TRPM3: variants seen among roughly 807,000 people sequenced by gnomAD.
TRPM3 encodes long transient receptor potential channel 3.
A neutral mutation model predicts 181.2 loss-of-function variants in TRPM3; 77 were observed. The observed-to-expected ratio is 0.42, with a 90% CI of 0.35 to 0.51. The LOEUF (loss-of-function observed/expected upper bound fraction) is 0.51. TRPM3 is among the 20% of genes least tolerant of loss of function. The probability of loss-of-function intolerance (pLI) is 0.01; values close to 1 mark genes in which losing one functional copy is unlikely to be tolerated. For synonymous variants in TRPM3, 745 were observed against 796.4 expected, an observed-to-expected ratio of 0.94 and a Z score of 1.09; for missense variants, 1,759 against 2,196.7, an observed-to-expected ratio of 0.80 and a Z score of 3.98.
At chr9:70,927,160 G>A (rs1170075839) in intron 1 of TRPM3, among the ~76,000 whole-genome samples, 2 of 152,150 alleles carry the variant, frequency 1.3e-5, no homozygotes, top group African/African-American at 4.8e-5. Flanking sequence ...TTGAATCTGA[G>A]TTTATTGTAC....
At chr9:70,615,744 A>G (rs145497025) in intron 18 of TRPM3, among the ~76,000 whole-genome samples, 164 bp downstream of exon 18, 34 of 152,352 alleles carry the variant, frequency 2.2e-4, no homozygotes, top group African/African-American at 6.3e-4. Flanking sequence ...CACTTTTCCA[A>G]TACCCTGGTC....
chr9:71,036,053 A>G (rs2058163860), intron 1 of TRPM3, among the ~76,000 whole-genome samples: 1 of 147,038 alleles, frequency 6.8e-6, no homozygotes, highest in Non-Finnish European at 1.5e-5. Flanking sequence ...CATTATCATC[A>G]GCCCTAACTT....
chr9:70,592,170 C>T (rs1318696870), intron 21 of TRPM3, among the ~76,000 whole-genome samples: 2 of 152,056 alleles, frequency 1.3e-5, no homozygotes, highest in East Asian at 1.9e-4. Flanking sequence ...AACCCATTAC[C>T]TCCTCCTTTT....
chr9:70,930,688 C>T (rs2096767760), intron 1 of TRPM3, among the ~76,000 whole-genome samples: 1 of 152,084 alleles, frequency 6.6e-6, no homozygotes, highest in Admixed American at 6.6e-5. Flanking sequence ...AACATGACTG[C>T]ATGGCTGTTT....
chr9:71,278,364 G>A (rs780477150), intron 1 of TRPM3, among the ~76,000 whole-genome samples: 32 of 152,132 alleles, frequency 2.1e-4, no homozygotes, highest in Non-Finnish European at 4.4e-4. Context: ...CTTCCCAAAG[G>A]GAGCAATTCT....
intron 1 of TRPM3, among the ~76,000 whole-genome samples, chr9:70,960,925 A>C (rs1331105740): frequency 6.6e-6 from 1 of 152,164 alleles, no homozygotes; most frequent in Admixed American, 6.5e-5. Context: ...CCATCACTGA[A>C]AGTGTTCCTT....
At chr9:70,663,583 A>G (rs2061415981) in intron 9 of TRPM3, among the ~76,000 whole-genome samples, 1 of 151,968 alleles carries the variant, frequency 6.6e-6, no homozygotes, top group African/African-American at 2.4e-5. Context: ...AGCCTTTTTC[A>G]TATTTTATTT....
At chr9:70,660,998 C>T (rs879253578) in intron 9 of TRPM3, among the ~76,000 whole-genome samples, 1 of 152,068 alleles carries the variant, frequency 6.6e-6, no homozygotes, top group African/African-American at 2.4e-5. Flanking sequence ...AAACTACAGA[C>T]CGATATTCCT....
chr9:71,222,334 A>C (rs562426998), intron 1 of TRPM3, among the ~76,000 whole-genome samples: 2 of 152,374 alleles, frequency 1.3e-5, no homozygotes, highest in South Asian at 4.1e-4. Context: ...CAGAAGAGTG[A>C]TCATCACAGA....
chr9:71,004,548 C>T (rs1223686274), intron 1 of TRPM3, among the ~76,000 whole-genome samples: 5 of 152,134 alleles, frequency 3.3e-5, no homozygotes, highest in African/African-American at 4.8e-5. Flanking sequence ...TATATGCAGG[C>T]ATCAATGTAA....
chr9:70,598,024 T>C (rs2059315353), intron 21 of TRPM3, among the ~76,000 whole-genome samples: 1 of 152,188 alleles, frequency 6.6e-6, no homozygotes. Context: ...ACCTATATTA[T>C]CTTTTCTGTG....
intron 1 of TRPM3, among the ~76,000 whole-genome samples, chr9:70,889,370 A>G (rs937363123): frequency 6.6e-6 from 1 of 152,190 alleles, no homozygotes; most frequent in African/African-American, 2.4e-5. Flanking sequence ...CCAGGATGAA[A>G]GCAAAAATAT....
At chr9:70,803,347 A>G (rs1470428472) in intron 6 of TRPM3, among the ~76,000 whole-genome samples, 1 of 152,036 alleles carries the variant, frequency 6.6e-6, no homozygotes, top group Non-Finnish European at 1.5e-5. Context: ...AGAATATTCC[A>G]TTCTAAAATA....
chr9:71,439,969 A>G (rs1211233487), intron 1 of TRPM3, among the ~76,000 whole-genome samples: 4 of 152,012 alleles, frequency 2.6e-5, no homozygotes, highest in Non-Finnish European at 5.9e-5. Context: ...AAAATATTAA[A>G]AAAATTAGCC....
At chr9:70,764,057 G>C (rs991430252) in intron 7 of TRPM3, among the ~76,000 whole-genome samples, 3 of 152,168 alleles carry the variant, frequency 2.0e-5, no homozygotes, top group African/African-American at 7.2e-5. Context: ...TAGGGCTGCA[G>C]AGGGAGTGAG....
chr9:71,181,483 T>C (rs995721017), intron 1 of TRPM3, among the ~76,000 whole-genome samples: 11 of 149,948 alleles, frequency 7.3e-5, no homozygotes, highest in African/African-American at 2.7e-4. Context: ...AAGCAGCAAA[T>C]AGGAAATACA....
intron 1 of TRPM3, among the ~76,000 whole-genome samples, chr9:71,326,525 G>A (rs1182038934): frequency 6.6e-6 from 1 of 152,222 alleles, no homozygotes; most frequent in Non-Finnish European, 1.5e-5. Flanking sequence ...TGAGTGTGCT[G>A]TTAAGTGATG....
At chr9:71,146,553 G>A (rs2075416339) in intron 1 of TRPM3, among the ~76,000 whole-genome samples, 1 of 152,052 alleles carries the variant, frequency 6.6e-6, no homozygotes, top group African/African-American at 2.4e-5. Flanking sequence ...GCTCAATTAT[G>A]CCCCAGGGAG....
At chr9:71,293,448 C>A (rs576965942) in intron 1 of TRPM3, among the ~76,000 whole-genome samples, 1 of 151,768 alleles carries the variant, frequency 6.6e-6, no homozygotes, top group East Asian at 1.9e-4. Flanking sequence ...TAGAAAAATG[C>A]AATTTTAAAA....
Sources: gnomAD v4.1 joint callset for allele counts (sites outside exome capture counted in the v4.1 genomes callset) on GRCh38, gnomAD v4.1.1 for gene constraint, MANE v1.5 for transcripts, NCBI Gene and HGNC (gene_info 2026-07-23, HGNC 2026-07-21) for gene names.